The following SVIL variants were observed in gnomAD, a reference collection of about 807,000 sequenced individuals.
SVIL encodes archvillin.
SVIL carries 101 observed loss-of-function variants against 240.4 expected under a neutral mutation model. That is an observed-to-expected ratio of 0.42 (90% CI 0.36 to 0.50). The LOEUF is 0.50. SVIL is among the 20% of genes least tolerant of loss of function. The pLI, the probability that SVIL is intolerant of heterozygous loss-of-function variation, is 0.01. For missense variants in SVIL, 2,512 were observed against 2,818.7 expected (o/e 0.89, Z 2.46); for synonymous variants, 999 against 1,100.0 (o/e 0.91, Z 1.82).
chr10:29,630,541 T>G (rs753200904), intron 1 of SVIL, among the ~76,000 whole-genome samples: 1 of 152,140 alleles, frequency 6.6e-6, no homozygotes, highest in African/African-American at 2.4e-5. Context: ...TGAAGTTGAC[T>G]GTATGGGTAA....
intron 1 of SVIL, among the ~76,000 whole-genome samples, chr10:29,629,351 G>A (rs1957997375): frequency 6.6e-6 from 1 of 152,102 alleles, no homozygotes; most frequent in East Asian, 1.9e-4. Context: ...TCTCAGGCAC[G>A]TGGCAAAGAA....
intron 17 of SVIL, among the ~76,000 whole-genome samples, chr10:29,506,793 T>TA (rs1564535827): frequency 7.8e-5 from 7 of 90,026 alleles, no homozygotes; most frequent in African/African-American, 2.7e-4. Flanking sequence ...AGAGGCCCTA[T>TA]GAGGGAGGGG....
intron 14 of SVIL, 60 bp from the exon 15 acceptor site, chr10:29,524,087 TG>T: frequency 6.9e-7 from 1 of 1,459,238 alleles, no homozygotes; most frequent in East Asian, 2.3e-5. Flanking sequence ...ATATAAATCC[TG>T]GTTTATGAAT....
chr10:29,696,205 C>T (rs1287158878), intron 1 of SVIL, among the ~76,000 whole-genome samples: 1 of 151,890 alleles, frequency 6.6e-6, no homozygotes, highest in Admixed American at 6.6e-5. Flanking sequence ...CCGCCAGCCT[C>T]GGCCTCCCGA....
chr10:29,480,828 A>G lies in SVIL; in HGVS notation c.5101-15T>C, dbSNP rs1946752548. ...CTGGGGTCTTCCTACAGGGGAACAC[A>G]AAGACATCAGTTCAGTTGCCTGTTT... On this transcript the variant is annotated splice_polypyrimidine_tract_variant and intron_variant, in intron 28 of 37. Coordinates refer to ENST00000355867, the MANE Select transcript of SVIL (RefSeq NM_021738.3). 6.3e-7 allele frequency: 1 copy of G among 1,594,744 alleles called. No homozygotes were observed. The highest frequency in any genetic ancestry group is 1.3e-5 in the African/African-American group (1 of 74,738).
At position 29,480,542 on chromosome 10, in the gene SVIL, G is replaced by A. The variant is rs746902705; in HGVS notation, c.5372C>T (p.Thr1791Met). 46 of 1,612,046 alleles carry A rather than the reference G, an allele frequency of 2.9e-5. No homozygotes were observed. The highest frequency in any genetic ancestry group is 5.0e-5 in the Admixed American group (3 of 59,994). Residue 1791 changes from threonine (T) to methionine (M), a missense_variant, in exon 29 of 38, where the codon ACG becomes ATG. Around this residue, in one of 3 missense-constraint regions of SVIL, gnomAD observed 797 missense variants for 925.3 expected, o/e 0.86. Coordinates refer to ENST00000355867, the MANE Select transcript of SVIL (RefSeq NM_021738.3). ...AACCACAAGCGCTCACTAACCTGCC[G>A]TGCTCACCATGAACTTCCACTTGAC... ...YVVKWKFMVS[T>M]AVGSRQKGEH...
chr10:29,672,616 T>C (rs964856552), intron 2 of SVIL, among the ~76,000 whole-genome samples: 3 of 152,238 alleles, frequency 2.0e-5, no homozygotes, highest in African/African-American at 7.2e-5. Flanking sequence ...TGGTATTCAG[T>C]AGGCAATTAA....
At chr10:29,696,124 G>A (rs1404150147) in intron 1 of SVIL, among the ~76,000 whole-genome samples, 3 of 151,820 alleles carry the variant, frequency 2.0e-5, no homozygotes, top group South Asian at 4.2e-4. Flanking sequence ...ACTGGTTTTC[G>A]TGTTTTTTTG....
At chr10:29,717,484 A>C (rs972864804) in intron 1 of SVIL, among the ~76,000 whole-genome samples, 1 of 152,172 alleles carries the variant, frequency 6.6e-6, no homozygotes, top group Non-Finnish European at 1.5e-5. Context: ...CACTGAAATC[A>C]AAAGCATTAT....
chr10:29,580,392 C>A (rs1564667420), intron 1 of SVIL, among the ~76,000 whole-genome samples: 1 of 152,018 alleles, frequency 6.6e-6, no homozygotes, highest in East Asian at 1.9e-4. Context: ...CATTCCCTGG[C>A]CAGCCACAAC....
chr10:29,602,335 T>G (rs375897437), intron 1 of SVIL: 1 of 528,158 alleles, frequency 1.9e-6, no homozygotes, highest in East Asian at 5.5e-5. Context: ...TAAGGGCACA[T>G]GGTACACCTT....
intron 1 of SVIL, among the ~76,000 whole-genome samples, chr10:29,580,219 C>A (rs969629507): frequency 6.6e-6 from 1 of 152,030 alleles, no homozygotes; most frequent in Non-Finnish European, 1.5e-5. Flanking sequence ...TGCCTGCAAT[C>A]CCTACTTGTA....
rs1166271687 is a variant in SVIL at position 29,490,898 on chromosome 10, G to A, written c.4141C>T (p.Gln1381Ter). The A allele has an allele frequency of 1.2e-6, 2 of 1,613,858 alleles. No individual in the cohort carries two copies. The highest frequency in any genetic ancestry group is 1.7e-6 in the Non-Finnish European group (2 of 1,179,884). ...REDLLQEYTEQRLNVAFMESK... is the reference protein window; with the variant it reads ...REDLLQEYTE ...TCCATGAAGGCAACGTTTAATCTCT[G>A]CTCAGTGTATTCCTGAAGGAGATCT... Residue 1381 changes from glutamine (Q) to a stop codon, truncating the protein, a stop_gained, in exon 22 of 38, where the codon CAG (glutamine) becomes TAG (stop). Coordinates refer to ENST00000355867, the MANE Select transcript of SVIL (RefSeq NM_021738.3). LOFTEE classifies it high-confidence loss of function.
chr10:29,507,229 T>C (rs988793972), intron 17 of SVIL, among the ~76,000 whole-genome samples: 2 of 152,044 alleles, frequency 1.3e-5, no homozygotes, highest in Non-Finnish European at 2.9e-5. Flanking sequence ...CCAAACTGCC[T>C]CCACCATATC....
chr10:29,589,975 G>C (rs1589336199), intron 1 of SVIL, among the ~76,000 whole-genome samples: 1 of 151,962 alleles, frequency 6.6e-6, no homozygotes, highest in Non-Finnish European at 1.5e-5. Flanking sequence ...AGACCAGCCT[G>C]GCCAAGATGG....
In SVIL at chr10:29,532,704, G is replaced by C. The variant is rs567828390; in HGVS notation, c.1663C>G (p.Pro555Ala). Residue 555 changes from proline (P) to alanine (A), a missense_variant, in exon 8 of 38, where the codon CCT (proline) becomes GCT (alanine). Physicochemically the swap from Pro to Ala is conservative, Grantham distance 27. Around this residue, in one of 3 missense-constraint regions of SVIL, gnomAD observed 1,443 missense variants for 1,486.6 expected, o/e 0.97. Coordinates refer to ENST00000355867, the MANE Select transcript of SVIL (RefSeq NM_021738.3). ...TRSLSDFTGP[P>A]QLQALKYKDP... ...TTATACTTCAAGGCCTGGAGCTGAG[G>C]GGGGCCTGTGAAATCTGACAGAGAG... 6.8e-6 allele frequency: 11 copies of C among 1,614,076 alleles called. No individual in the cohort carries two copies. The highest frequency in any genetic ancestry group is 8.5e-6 in the Non-Finnish European group (10 of 1,180,046).
chr10:29,516,840 C>T (rs542683666), intron 16 of SVIL, among the ~76,000 whole-genome samples: 151 of 152,258 alleles, frequency 9.9e-4, no homozygotes, highest in Admixed American at 4.1e-3. Context: ...GCCTGAGAAC[C>T]CTGCTTGTTG....
upstream of SVIL, among the ~76,000 whole-genome samples, chr10:29,635,744 A>G (rs1268538968): frequency 2.0e-5 from 3 of 152,228 alleles, no homozygotes; most frequent in African/African-American, 2.4e-5. Context: ...AATACTTACA[A>G]TTGTAGGTCT....
In SVIL at chr10:29,634,766, C is replaced by G. The variant is rs1462246973; in HGVS notation, c.-547G>C. The G allele has an allele frequency of 1.3e-5, 2 of 152,130 alleles. No homozygotes were observed. The highest frequency in any genetic ancestry group is 2.9e-5 in the Non-Finnish European group (2 of 68,018). The allele number at this position is 152,130 out of a possible 1,614,324, so 9.4% of individuals were successfully genotyped here. ...CTTTTTGGATGTCAAATTCAGGAAA[C>G]AGGTAAAGGCTACATCCCAAAAGTT... is the stretch of plus-strand genomic sequence containing the variant. On this transcript the variant is annotated 5_prime_UTR_variant, in exon 1 of 38. Transcript: ENST00000355867.
Sources: gnomAD v4.1 joint callset for allele counts (sites outside exome capture counted in the v4.1 genomes callset) on GRCh38, gnomAD v4.1.1 for gene constraint, gnomAD v4.1.1 regional missense constraint, MANE v1.5 for transcripts, NCBI Gene and HGNC (gene_info 2026-07-23, HGNC 2026-07-21) for gene names.